Variants in KPNA1 observed in about 807,000 individuals in gnomAD.
KPNA1 encodes the protein importin subunit alpha-5.
KPNA1 carries 10 observed loss-of-function variants against 70.5 expected under a neutral mutation model. The ratio of observed to expected loss-of-function variants is 0.14; its 90% CI spans 0.09 to 0.24. The LOEUF is 0.24. KPNA1 is among the 10% of genes least tolerant of loss of function. KPNA1 has a pLI of 1.00. For synonymous variants in KPNA1, 192 were observed against 221.9 expected, an observed-to-expected ratio of 0.87 and a Z score of 1.20; for missense variants, 397 against 637.9, an observed-to-expected ratio of 0.62 and a Z score of 4.07.
chr3:122,458,420 C>A (rs2076287617), intron 5 of KPNA1, among the ~76,000 whole-genome samples: 1 of 152,192 alleles, frequency 6.6e-6, no homozygotes, highest in South Asian at 2.1e-4. Flanking sequence ...ATGCTCAAAG[C>A]AGGCACTTTT....
chr3:122,423,716 A>G lies in KPNA1; in HGVS notation c.*3269T>C, dbSNP rs1365813173. 6.6e-6 allele frequency: 1 copy of G among 152,646 alleles called. No individual in the cohort carries two copies. The highest frequency in any genetic ancestry group is 3.2e-3 in the Middle Eastern group (1 of 316). 9.5% of individuals were successfully genotyped at this position (152,646 alleles called of 1,614,324 possible). ...AGAATTGGTTGACAAAGTTTGGTTT[A>G]TAAAATATACTTACATATTGTTTCT... On this transcript the variant is annotated 3_prime_UTR_variant, in exon 14 of 14. Coordinates refer to ENST00000344337, the MANE Select transcript of KPNA1 (RefSeq NM_002264.4).
chr3:122,443,713 T>C (rs1028962699), intron 9 of KPNA1, among the ~76,000 whole-genome samples: 1 of 152,144 alleles, frequency 6.6e-6, no homozygotes, highest in Admixed American at 6.5e-5. Flanking sequence ...ACCAGCAATA[T>C]TTTATTAGCG....
rs2075816619 is a variant in KPNA1 at position 122,425,845 on chromosome 3, C to G, written c.*1140G>C. Reference sequence around the variant, plus strand: ...ATGTTGAGAAGATGGTTATTTCTTTCAGATAAGGATGCTACATTAAAGGAA... The same window carrying G: ...ATGTTGAGAAGATGGTTATTTCTTTGAGATAAGGATGCTACATTAAAGGAA... On this transcript the variant is annotated 3_prime_UTR_variant, in exon 14 of 14. Coordinates refer to ENST00000344337, the MANE Select transcript of KPNA1 (RefSeq NM_002264.4). 6.6e-6 allele frequency: 1 copy of G among 152,456 alleles called. No individual in the cohort carries two copies. Among genetic ancestry groups the G allele is most frequent in the South Asian group, 2.1e-4 (1 of 4,834 alleles). The allele number at this position is 152,456 out of a possible 1,614,324, so 9.4% of individuals were successfully genotyped here. A position where few individuals can be genotyped will look rare whatever the true frequency, so the allele number is the denominator to read the frequency against.
chr3:122,472,261 T>C (rs2076451028), intron 2 of KPNA1, among the ~76,000 whole-genome samples: 1 of 151,962 alleles, frequency 6.6e-6, no homozygotes, highest in South Asian at 2.1e-4. Flanking sequence ...TAAAATTAAA[T>C]TACAAATCAA....
chr3:122,506,434 A>T (rs1252776909), intron 1 of KPNA1, among the ~76,000 whole-genome samples: 1 of 152,238 alleles, frequency 6.6e-6, no homozygotes, highest in Non-Finnish European at 1.5e-5. Flanking sequence ...GCTTCTAGTC[A>T]AACGATAGTA....
chr3:122,507,422 C>CG (rs2076902331), intron 1 of KPNA1, among the ~76,000 whole-genome samples: 1 of 126,748 alleles, frequency 7.9e-6, no homozygotes. Flanking sequence ...GCCTGGGCGA[C>CG]AGAGCAAGAC....
intron 9 of KPNA1, among the ~76,000 whole-genome samples, chr3:122,443,519 C>A (rs2076093648): frequency 6.6e-6 from 1 of 152,170 alleles, no homozygotes; most frequent in Non-Finnish European, 1.5e-5. Context: ...GGTCCCTGAA[C>A]CCCGTGTAGC....
chr3:122,505,404 C>A (rs2076880203), intron 1 of KPNA1, among the ~76,000 whole-genome samples: 1 of 151,536 alleles, frequency 6.6e-6, no homozygotes, highest in East Asian at 1.9e-4. Flanking sequence ...TGAAGTTGGA[C>A]TGAAGATAGC....
At chr3:122,433,382 A>C (rs1414261224) in intron 12 of KPNA1, 1 of 288,860 alleles carries the variant, frequency 3.5e-6, no homozygotes, top group Non-Finnish European at 6.3e-6. Context: ...TATTGCCTCA[A>C]GCCTCGACTA....
intron 11 of KPNA1, 78 bp from the exon 12 acceptor site, chr3:122,433,866 A>T (rs1008580251): frequency 8.3e-7 from 1 of 1,198,490 alleles, no homozygotes; most frequent in Non-Finnish European, 1.2e-6. Flanking sequence ...ATAATTTCTA[A>T]GCTAGTTTGA....
At chr3:122,449,000 C>T (rs1039552507) in intron 9 of KPNA1, among the ~76,000 whole-genome samples, 9 of 152,174 alleles carry the variant, frequency 5.9e-5, no homozygotes, top group Non-Finnish European at 2.9e-5. Context: ...GCGACAATGT[C>T]TCTTTGCATC....
At chr3:122,438,825 TAA>T (rs2076024865) in intron 10 of KPNA1, among the ~76,000 whole-genome samples, 2 of 152,214 alleles carry the variant, frequency 1.3e-5, no homozygotes, top group South Asian at 2.1e-4. Flanking sequence ...TTGGGGATGG[TAA>T]AAGACTGTAT....
intron 1 of KPNA1, among the ~76,000 whole-genome samples, chr3:122,497,139 T>C (rs1007846151): frequency 1.3e-5 from 2 of 152,276 alleles, no homozygotes; most frequent in Non-Finnish European, 2.9e-5. Context: ...GTTTAAGCTA[T>C]CATCCCTATT....
At chr3:122,429,398 G>C (rs1445891756) in intron 12 of KPNA1, among the ~76,000 whole-genome samples, 2 of 133,194 alleles carry the variant, frequency 1.5e-5, no homozygotes, top group Admixed American at 1.7e-4. Flanking sequence ...CAGGAGCCGA[G>C]ACCGTGCCAC....
intron 2 of KPNA1, among the ~76,000 whole-genome samples, chr3:122,471,324 T>C (rs2076439696): frequency 6.6e-6 from 1 of 152,232 alleles, no homozygotes; most frequent in Admixed American, 6.5e-5. Flanking sequence ...GTTTTGCTTA[T>C]ACAATGTTTT....
intron 2 of KPNA1, among the ~76,000 whole-genome samples, chr3:122,471,501 A>T (rs2076441899): frequency 6.6e-6 from 1 of 152,260 alleles, no homozygotes; most frequent in South Asian, 2.1e-4. Context: ...ACACAGATTA[A>T]AAGTAAATAG....
chr3:122,499,844 T>C (rs2076806256), intron 1 of KPNA1, among the ~76,000 whole-genome samples: 1 of 152,192 alleles, frequency 6.6e-6, no homozygotes, highest in Non-Finnish European at 1.5e-5. Flanking sequence ...ACCAGCTTCA[T>C]AAAATGAGTT....
chr3:122,475,306 G>C (rs1011588081), intron 2 of KPNA1, among the ~76,000 whole-genome samples: 16 of 152,108 alleles, frequency 1.1e-4, no homozygotes, highest in African/African-American at 3.4e-4. Flanking sequence ...AGCCAAGGAG[G>C]TGAAAGACCT....
Position 122,437,165 on chromosome 3 carries a change from G to A in KPNA1, c.1122+5C>T, listed in dbSNP as rs1266280728. 2.5e-6 allele frequency: 4 copies of A among 1,611,132 alleles called. No individual in the cohort carries two copies. The highest frequency in any genetic ancestry group is 1.3e-5 in the African/African-American group (1 of 74,742). On this transcript the variant is annotated splice_donor_5th_base_variant and intron_variant, in intron 11 of 13. Coordinates refer to ENST00000344337, the MANE Select transcript of KPNA1 (RefSeq NM_002264.4). Reference sequence around the variant, plus strand: ...TGAAAGAGAAGTTAGGTCCTATGAGGTTACCTGGATCTGTGCCCTATTTCC... The same window carrying A: ...TGAAAGAGAAGTTAGGTCCTATGAGATTACCTGGATCTGTGCCCTATTTCC...
Sources: allele counts gnomAD v4.1 joint callset (sites outside exome capture counted in the v4.1 genomes callset), GRCh38; gene constraint gnomAD v4.1.1; transcripts MANE v1.5; gene names NCBI Gene and HGNC (gene_info 2026-07-23, HGNC 2026-07-21).